PRDM16: variants seen among roughly 807,000 people sequenced by gnomAD.
PRDM16 encodes histone-lysine N-methyltransferase PRDM16.
In PRDM16, 23 loss-of-function variants were observed where a neutral mutation model predicts 110.6. The ratio of observed to expected loss-of-function variants is 0.21; its 90% CI spans 0.15 to 0.29. The LOEUF (loss-of-function observed/expected upper bound fraction) is 0.29. Among genes scored for constraint, PRDM16 ranks in the 10% least tolerant of loss-of-function variants. The pLI is 1.00. For synonymous variants in PRDM16, 799 were observed against 781.8 expected (o/e 1.02, Z -0.37); for missense variants, 1,615 against 1,794.3 (o/e 0.90, Z 1.81).
At position 3,076,468 on chromosome 1, in the gene PRDM16, C is replaced by G. The variant is rs565604193; in HGVS notation, c.37+7172C>G. 3.2e-3 allele frequency among the ~76,000 whole-genome samples: 493 copies of G among 152,314 alleles called. 2 individuals carry two copies. Among genetic ancestry groups the G allele is most frequent in the Admixed American group, 8.6e-3 (131 of 15,302 alleles). ...CTTGCTAGTGGCCGCCGGCTGGTCC[C>G]CTGCGTGGAGTGGCTCAGGGAAAGC... On this transcript the variant is annotated intron_variant, in intron 1 of 16. Coordinates refer to ENST00000270722, the MANE Select transcript of PRDM16 (RefSeq NM_022114.4).
chr1:3,176,152 T>TATCCATCCATCCATCCATCC (rs145743378), intron 1 of PRDM16, among the ~76,000 whole-genome samples: 259 of 90,678 alleles, frequency 2.9e-3, no homozygotes, highest in African/African-American at 8.3e-3. Context: ...CTCATTCATC[T>TATCCATCCATCCATCCATCC]ATCCATCCAT....
intron 5 of PRDM16, among the ~76,000 whole-genome samples, chr1:3,397,951 A>G (rs916659465): frequency 5.3e-5 from 8 of 152,196 alleles, no homozygotes; most frequent in Non-Finnish European, 1.2e-4. Flanking sequence ...CCGAAAGGAA[A>G]TGACCACAGA....
intron 3 of PRDM16, among the ~76,000 whole-genome samples, chr1:3,379,544 C>T (rs1162009386): frequency 7.4e-5 from 1 of 13,526 alleles, no homozygotes. Context: ...CCCAGCACAC[C>T]CCTCCCAACA....
rs1642232823 is a variant in PRDM16, at chr1:3,339,691, G to A, written c.439-45461G>A. ...GCATTGTGTGTGTGGTGGGGGGTGT[G>A]CAGAGCTCAGTTACCCCATCTGCCT... On this transcript the variant is annotated intron_variant, in intron 3 of 16. Transcript: ENST00000270722. The surrounding 1 kb of genome is among the most constrained non-coding windows in gnomAD (Gnocchi z 5.0). Among the ~76,000 whole-genome samples, 1 of 152,114 alleles carries A rather than the reference G, an allele frequency of 6.6e-6. No homozygotes were observed. The highest frequency in any genetic ancestry group is 1.5e-5 in the Non-Finnish European group (1 of 68,016).
chr1:3,354,459 CAA>C (rs59791059), intron 3 of PRDM16, among the ~76,000 whole-genome samples: 9,053 of 113,128 alleles, frequency 0.08, 934 homozygotes, highest in African/African-American at 0.26. Flanking sequence ...GACTCTGCCT[CAA>C]AAAAAAAAAA....
rs1261252699 is a variant in PRDM16, at chr1:3,390,885, G to T, written c.573+5599G>T. On this transcript the variant is annotated intron_variant, in intron 4 of 16. Coordinates refer to ENST00000270722, the MANE Select transcript of PRDM16 (RefSeq NM_022114.4). The surrounding 1 kb of genome is among the most constrained non-coding windows in gnomAD (Gnocchi z 5.0). ...AGTTTCACTCTTGTTGCCCAGGCCA[G>T]AGTGCAATAGCACAATCTCGGCTCA... 1.3e-5 allele frequency among the ~76,000 whole-genome samples: 2 copies of T among 149,468 alleles called. No homozygotes were observed. The highest frequency in any genetic ancestry group is 6.7e-5 in the Admixed American group (1 of 14,950).
chr1:3,214,770 C>G (rs1200848138), intron 2 of PRDM16, among the ~76,000 whole-genome samples: 1 of 152,216 alleles, frequency 6.6e-6, no homozygotes, highest in Non-Finnish European at 1.5e-5. Flanking sequence ...GTGCCTGGCC[C>G]TGTGCTAACA....
Position 3,436,266 on chromosome 1 carries a change from C to T in PRDM16, c.*2455C>T, listed in dbSNP as rs947273358. 4.4e-6 allele frequency: 1 copy of T among 229,882 alleles called. No individual in the cohort carries two copies. Among genetic ancestry groups the T allele is most frequent in the Admixed American group, 5.7e-5 (1 of 17,666 alleles). The allele number at this position is 229,882 out of a possible 1,614,324, so 14.2% of individuals were successfully genotyped here. On this transcript the variant is annotated 3_prime_UTR_variant, in exon 17 of 17. Coordinates refer to ENST00000270722, the MANE Select transcript of PRDM16 (RefSeq NM_022114.4). ...ACATTCGGACGGATGGAGCCCTCAG[C>T]GTGTCTTTTCAGCAGGAGCAGAACC...
chr1:3,143,830 T>A lies in PRDM16; in HGVS notation c.38-42295T>A, dbSNP rs1214405128. Among the ~76,000 whole-genome samples, 3 of 152,182 alleles carry A rather than the reference T, an allele frequency of 2.0e-5. No individual in the cohort carries two copies. In the East Asian group the frequency reaches 5.8e-4, roughly 29 times the overall value. ...AGAGTGCAGGTGTGTGTCACACACC[T>A]CTGGTCTGCAGCCCCTGGGAGCTGA... On this transcript the variant is annotated intron_variant, in intron 1 of 16. Coordinates refer to ENST00000270722, the MANE Select transcript of PRDM16 (RefSeq NM_022114.4). This position sits in a 1 kb window ranked among gnomAD's most constrained non-coding sequence, Gnocchi z 4.5.
intron 1 of PRDM16, chr1:3,132,817 G>C (rs12021948): frequency 0.13 from 19,812 of 152,170 alleles, 1,728 homozygotes; most frequent in East Asian, 0.24. Flanking sequence ...GGTGGGGCAG[G>C]GTTAGATAAA....
chr1:3,199,711 A>C (rs1638570872), intron 2 of PRDM16, among the ~76,000 whole-genome samples: 1 of 152,184 alleles, frequency 6.6e-6, no homozygotes. Flanking sequence ...GAGAAGCGCA[A>C]GTCTTGCTCG....
chr1:3,328,449 A>G (rs2100480867), intron 3 of PRDM16, among the ~76,000 whole-genome samples: 1 of 152,238 alleles, frequency 6.6e-6, no homozygotes, highest in East Asian at 1.9e-4. Flanking sequence ...GTCTAGCAGC[A>G]TGCGCGGAGC....
chr1:3,274,171 T>C (rs918653956), intron 3 of PRDM16, among the ~76,000 whole-genome samples: 53 of 152,172 alleles, frequency 3.5e-4, no homozygotes, highest in Admixed American at 3.1e-3. Context: ...GATTTGACCA[T>C]GATGGCTATC....
intron 3 of PRDM16, among the ~76,000 whole-genome samples, chr1:3,260,970 ACAAGT>A (rs1454687250): frequency 6.6e-6 from 1 of 151,220 alleles, no homozygotes; most frequent in African/African-American, 2.4e-5. Flanking sequence ...GTGACCTGGG[ACAAGT>A]CACTTAACCT....
rs555995712 is a variant in PRDM16 at position 3,287,367 on chromosome 1, C to CCT, written c.438+43230_438+43231insCT. Among the ~76,000 whole-genome samples the CCT allele has an allele frequency of 9.5e-5, 8 of 84,248 alleles. 1 individual carries two copies. The highest frequency in any genetic ancestry group is 1.3e-4 in the Non-Finnish European group (5 of 38,824). 55.3% of individuals were successfully genotyped at this position (84,248 alleles called of 152,430 possible). On this transcript the variant is annotated intron_variant, in intron 3 of 16. Transcript: ENST00000270722. ...GCATTTACCGGGGCTGGAGCCGCCC[C>CCT]GCCACGCGGGCATCCAGGATTGCAT...
intron 2 of PRDM16, among the ~76,000 whole-genome samples, chr1:3,205,788 G>A (rs1020588577): frequency 4.0e-5 from 6 of 151,896 alleles, no homozygotes; most frequent in African/African-American, 1.2e-4. Context: ...GCCAGGCCTC[G>A]GTAATTGCCC....
rs1557673772 is a variant in PRDM16, at chr1:3,431,951, CG to C, written c.3522-13del. 2.5e-6 allele frequency: 4 copies of C among 1,607,434 alleles called. No individual in the cohort carries two copies. Among genetic ancestry groups the C allele is most frequent in the African/African-American group, 1.3e-5 (1 of 74,810 alleles). On this transcript the variant is annotated splice_polypyrimidine_tract_variant and intron_variant, in intron 15 of 16. Transcript: ENST00000270722. The stretch of plus-strand genomic sequence containing the variant: ...GCTGACAGCAGGCCTTCCCTCTCCC[CG>C]GTCATTGGTGCAGGTGTGCTGAGGA...
In PRDM16 at chr1:3,431,592, C is replaced by T. The variant is rs370520590; in HGVS notation, c.3522-374C>T. ...CCTTGGGGAGGCCCTTCGGAGGTGG[C>T]ACTTCCTCTCCAGCCTGGATGCTGC... On this transcript the variant is annotated intron_variant, in intron 15 of 16. Coordinates refer to ENST00000270722, the MANE Select transcript of PRDM16 (RefSeq NM_022114.4). 7.4e-4 allele frequency among the ~76,000 whole-genome samples: 113 copies of T among 152,322 alleles called. 3 individuals are homozygous for T. In the South Asian group the frequency reaches 0.023, roughly 31 times the overall value.
chr1:3,166,099 G>A (rs565464982), intron 1 of PRDM16, among the ~76,000 whole-genome samples: 12 of 152,370 alleles, frequency 7.9e-5, no homozygotes, highest in South Asian at 2.1e-4. Context: ...TCCTGGGTCT[G>A]AGTGGCGCAT....
Sources: allele counts gnomAD v4.1 joint callset (sites outside exome capture counted in the v4.1 genomes callset), GRCh38; gene constraint gnomAD v4.1.1; non-coding constraint Gnocchi (gnomAD v3.1); transcripts MANE v1.5; gene names NCBI Gene and HGNC (gene_info 2026-07-23, HGNC 2026-07-21).